PRR16: variants seen among roughly 807,000 people sequenced by gnomAD.
The protein encoded by PRR16 is proline rich 16.
Under a neutral mutation model 18.2 loss-of-function variants are expected in PRR16, and 6 were observed. The ratio of observed to expected loss-of-function variants is 0.33; its 90% CI spans 0.18 to 0.65. The LOEUF (loss-of-function observed/expected upper bound fraction) is 0.65. Among genes scored for constraint, PRR16 ranks in the 30% least tolerant of loss-of-function variants. PRR16 has a pLI of 0.74. For synonymous variants in PRR16, 151 were observed against 147.8 expected (o/e 1.02, Z -0.16); for missense variants, 412 against 376.6 (o/e 1.09, Z -0.78).
At position 120,686,138 on chromosome 5, in the gene PRR16, C is replaced by T. The variant is rs773682575; in HGVS notation, c.344C>T (p.Thr115Met). Residue 115 changes from threonine (T) to methionine (M), a missense_variant, in exon 2 of 2, where the codon ACG becomes ATG. Thr to Met is a moderately conservative substitution (Grantham distance 81). Coordinates refer to ENST00000407149, the MANE Select transcript of PRR16 (RefSeq NM_001300783.2). ...CCAGCACACCCGTCTGCTATCCTCA[C>T]GGTCCTGAGAAAGCCAAACCCTCCA... ...KPPAHPSAIL[T>M]VLRKPNPPPP... 3.1e-5 allele frequency: 50 copies of T among 1,614,016 alleles called. No homozygotes were observed. Among genetic ancestry groups the T allele is most frequent in the Admixed American group, 1.0e-4 (6 of 60,002 alleles).
intron 1 of PRR16, among the ~76,000 whole-genome samples, chr5:120,641,897 G>A (rs1369456976): frequency 6.6e-6 from 1 of 152,058 alleles, no homozygotes; most frequent in Non-Finnish European, 1.5e-5. Context: ...GTCAAGAATG[G>A]AGTCCATCTG....
chr5:120,673,691 C>A (rs1307179391), intron 1 of PRR16, among the ~76,000 whole-genome samples: 6 of 152,028 alleles, frequency 3.9e-5, no homozygotes, highest in Non-Finnish European at 8.8e-5. Context: ...ATAATCCCAG[C>A]ACTTTGGGAG....
intron 1 of PRR16, among the ~76,000 whole-genome samples, chr5:120,668,147 G>T (rs190885137): frequency 0.25 from 38,234 of 151,320 alleles, 5,956 homozygotes; most frequent in Middle Eastern, 0.41. Flanking sequence ...CCTGTATTGG[G>T]TGCATATATA....
At chr5:120,556,960 A>G (rs1441499023) in intron 1 of PRR16, among the ~76,000 whole-genome samples, 4 of 151,932 alleles carry the variant, frequency 2.6e-5, no homozygotes, top group Admixed American at 2.6e-4. Context: ...AAAAAAAAAA[A>G]AGTCATCTAG....
chr5:120,488,228 A>C (rs1479518154), intron 1 of PRR16, among the ~76,000 whole-genome samples: 4 of 152,264 alleles, frequency 2.6e-5, no homozygotes, highest in East Asian at 1.9e-4. Context: ...GAATGGTACC[A>C]GCTCCTCCTT....
At chr5:120,781,792 A>G in the PRR16 span, among the ~76,000 whole-genome samples, 1 of 152,168 alleles carries the variant, frequency 6.6e-6, no homozygotes, top group Non-Finnish European at 1.5e-5. Flanking sequence ...CAGAGCTTCT[A>G]TATCTTCATT....
At chr5:120,663,316 G>T (rs954401298) in intron 1 of PRR16, among the ~76,000 whole-genome samples, 1 of 151,752 alleles carries the variant, frequency 6.6e-6, no homozygotes, top group African/African-American at 2.4e-5. Flanking sequence ...GATTTTATTG[G>T]TTACTGATGA....
intron 1 of PRR16, among the ~76,000 whole-genome samples, chr5:120,626,082 A>G (rs1296235064): frequency 6.6e-6 from 1 of 152,182 alleles, no homozygotes; most frequent in East Asian, 1.9e-4. Flanking sequence ...ATCTAAATTT[A>G]TGCTTTGTAT....
intron 1 of PRR16, among the ~76,000 whole-genome samples, chr5:120,539,833 G>T (rs73786515): frequency 0.017 from 2,640 of 151,170 alleles, 75 homozygotes; most frequent in African/African-American, 0.062. Flanking sequence ...ATGAATATTA[G>T]GTTTTTTTTT....
At chr5:120,670,031 A>C (rs1466420834) in intron 1 of PRR16, among the ~76,000 whole-genome samples, 1 of 152,124 alleles carries the variant, frequency 6.6e-6, no homozygotes, top group African/African-American at 2.4e-5. Context: ...CCATAAGCAA[A>C]ATATGTAATG....
chr5:120,498,588 A>G (rs1046697875), intron 1 of PRR16, among the ~76,000 whole-genome samples: 6 of 151,476 alleles, frequency 4.0e-5, no homozygotes, highest in Non-Finnish European at 8.8e-5. Flanking sequence ...AAGGAATTGC[A>G]TTTATCCGTA....
At chr5:120,739,372 G>A in the PRR16 span, among the ~76,000 whole-genome samples, 4 of 152,136 alleles carry the variant, frequency 2.6e-5, no homozygotes, top group Admixed American at 2.6e-4. Context: ...CAAAAGACAA[G>A]GCTGAAACTG....
chr5:120,645,396 C>T (rs1160284777), intron 1 of PRR16, among the ~76,000 whole-genome samples: 3 of 144,382 alleles, frequency 2.1e-5, no homozygotes, highest in African/African-American at 7.8e-5. Flanking sequence ...CCCCCCCACA[C>T]ACACACAGGC....
At chr5:120,514,928 A>G (rs1349937250) in intron 1 of PRR16, among the ~76,000 whole-genome samples, 7 of 152,052 alleles carry the variant, frequency 4.6e-5, no homozygotes, top group African/African-American at 1.7e-4. Flanking sequence ...CCACTTCCAA[A>G]TCTGCTTCCA....
intron 1 of PRR16, among the ~76,000 whole-genome samples, chr5:120,611,621 C>G (rs1421173441): frequency 6.6e-6 from 1 of 152,190 alleles, no homozygotes; most frequent in Non-Finnish European, 1.5e-5. Context: ...GTTGAGCCTG[C>G]AAGTACACAG....
intron 1 of PRR16, among the ~76,000 whole-genome samples, chr5:120,501,921 A>G (rs12109423): frequency 0.25 from 35,349 of 141,616 alleles, 4,960 homozygotes; most frequent in African/African-American, 0.4. Flanking sequence ...GCGCCACTGC[A>G]CTCCAGCCTG....
intron 1 of PRR16, among the ~76,000 whole-genome samples, chr5:120,536,351 A>G (rs1300052791): frequency 1.3e-5 from 2 of 152,188 alleles, no homozygotes; most frequent in East Asian, 3.9e-4. Context: ...AGCTGCAAAA[A>G]TTTGTGCTGG....
At chr5:120,694,313 G>C in the PRR16 span, among the ~76,000 whole-genome samples, 1 of 152,036 alleles carries the variant, frequency 6.6e-6, no homozygotes, top group Non-Finnish European at 1.5e-5. Context: ...AATTCTCTTA[G>C]AACCTTACCA....
At chr5:120,596,368 A>G (rs907115680) in intron 1 of PRR16, among the ~76,000 whole-genome samples, 1 of 151,578 alleles carries the variant, frequency 6.6e-6, no homozygotes, top group Non-Finnish European at 1.5e-5. Flanking sequence ...TTTCCACAAA[A>G]CCGGAACCTG....
Sources: allele counts gnomAD v4.1 joint callset (sites outside exome capture counted in the v4.1 genomes callset), GRCh38; gene constraint gnomAD v4.1.1; transcripts MANE v1.5; gene names NCBI Gene and HGNC (gene_info 2026-07-23, HGNC 2026-07-21).